DMXL2: variants seen among roughly 807,000 people sequenced by gnomAD.
The protein encoded by DMXL2 is dmX-like protein 2.
In DMXL2, 103 loss-of-function variants were observed where a neutral mutation model predicts 331.1. The ratio of observed to expected loss-of-function variants is 0.31; its 90% CI spans 0.27 to 0.37. The LOEUF is 0.37. DMXL2 is among the 10% of genes least tolerant of loss of function. DMXL2 has a pLI of 1.00. For synonymous variants in DMXL2, 1,281 were observed against 1,252.1 expected (o/e 1.02, Z -0.49); for missense variants, 3,171 against 3,642.9 (o/e 0.87, Z 3.33).
chr15:51,537,900 G>T (rs956330786), intron 10 of DMXL2, 141 bp from the exon 11 acceptor site: 33 of 1,071,948 alleles, frequency 3.1e-5, no homozygotes, highest in Middle Eastern at 6.1e-4. Flanking sequence ...GGAAACTTTT[G>T]TCTGAATTGA....
rs1283507651 is a variant in DMXL2 at position 51,605,514 on chromosome 15, ATTCTTTTTTTTTTTTTTTT to A, written c.87+16926_87+16944del. Among the ~76,000 whole-genome samples the A allele has an allele frequency of 1.1e-4, 4 of 36,868 alleles. 1 individual carries two copies. Among genetic ancestry groups the A allele is most frequent in the African/African-American group, 2.8e-4 (4 of 14,468 alleles). 24.2% of individuals were successfully genotyped at this position (36,868 alleles called of 152,430 possible). A position where few individuals can be genotyped will look rare whatever the true frequency, so the allele number is the denominator to read the frequency against. The stretch of plus-strand genomic sequence containing the variant: ...CCCGGCCCAGCCCATACAGATTAAT[ATTCTTTTTTTTTTTTTTTT>A]TTTTTTTTTTTTTTTTTTTTTGAGA... On this transcript the variant is annotated intron_variant, in intron 1 of 43. Coordinates refer to ENST00000560891, the MANE Select transcript of DMXL2 (RefSeq NM_001378457.1).
chr15:51,621,995 G>C (rs7174397), intron 1 of DMXL2, among the ~76,000 whole-genome samples: 7,636 of 152,164 alleles, frequency 0.05, 544 homozygotes, highest in African/African-American at 0.16. Context: ...AGCGGGCAGG[G>C]GGAGCCAAGG....
At chr15:51,526,870 C>T (rs747245237) in intron 13 of DMXL2, among the ~76,000 whole-genome samples, 6 of 152,036 alleles carry the variant, frequency 3.9e-5, no homozygotes, top group South Asian at 2.1e-4. Flanking sequence ...TAAAAAACAA[C>T]GAAGCACATC....
At chr15:51,556,895 GA>G (rs919328003) in intron 6 of DMXL2, among the ~76,000 whole-genome samples, 2 of 151,814 alleles carry the variant, frequency 1.3e-5, no homozygotes, top group African/African-American at 4.8e-5. Flanking sequence ...TTCTTTATCT[GA>G]AAAAAAAGTA....
chr15:51,571,964 T>A (rs2050696900), intron 2 of DMXL2, among the ~76,000 whole-genome samples: 1 of 151,964 alleles, frequency 6.6e-6, no homozygotes, highest in Non-Finnish European at 1.5e-5. Context: ...GATGGAAACA[T>A]GAAAAACTCT....
At position 51,568,487 on chromosome 15, in the gene DMXL2, A is replaced by G. The variant is rs1330823241; in HGVS notation, c.285T>C (p.Cys95=). The change falls in exon 3 of 44, where the codon TGT becomes TGC. Residue 95 remains cysteine (C), a splice_region_variant and synonymous_variant. Coordinates refer to ENST00000560891, the MANE Select transcript of DMXL2 (RefSeq NM_001378457.1). Reference sequence around the variant, plus strand: ...TATTCTATTATTGGTTAATACTTACACAATTTCTTTTATGAGAATTTATGC... The same window carrying G: ...TATTCTATTATTGGTTAATACTTACGCAATTTCTTTTATGAGAATTTATGC... ...PLGINSHKRN[C]QLKCQWLKTG... The G allele has an allele frequency of 5.2e-6, 8 of 1,537,170 alleles. No homozygotes were observed. Among genetic ancestry groups the G allele is most frequent in the Non-Finnish European group, 7.0e-6 (8 of 1,136,308 alleles).
At position 51,536,875 on chromosome 15, in the gene DMXL2, A is replaced by G. The variant is rs760635966; in HGVS notation, c.1618-13T>C. The G allele has an allele frequency of 2.5e-6, 4 of 1,579,028 alleles. No homozygotes were observed. On this transcript the variant is annotated splice_polypyrimidine_tract_variant and intron_variant, in intron 11 of 43. Coordinates refer to ENST00000560891, the MANE Select transcript of DMXL2 (RefSeq NM_001378457.1). ...AAGAAAAAGAAACCTGAAAAACATA[A>G]TTATATGATTCAGTGCAAATAGTTT...
At chr15:51,523,614 C>CA (rs34385849) in intron 13 of DMXL2, among the ~76,000 whole-genome samples, 5 of 152,020 alleles carry the variant, frequency 3.3e-5, no homozygotes, top group African/African-American at 7.2e-5. Context: ...TCTGTCCTTA[C>CA]AAAAAAAGGA....
chr15:51,573,680 T>C (rs8041197), intron 2 of DMXL2, among the ~76,000 whole-genome samples: 72,907 of 150,816 alleles, frequency 0.48, 17,850 homozygotes, highest in Non-Finnish European at 0.52. Context: ...CATCACACAC[T>C]GAGGCCTGTC....
intron 20 of DMXL2, among the ~76,000 whole-genome samples, chr15:51,490,427 A>C (rs188950245): frequency 6.6e-6 from 1 of 152,364 alleles, no homozygotes; most frequent in Non-Finnish European, 1.5e-5. Context: ...CATCCTTCGG[A>C]GAAACAAATT....
At chr15:51,483,243 G>A (rs2042147033) in intron 23 of DMXL2, among the ~76,000 whole-genome samples, 1 of 152,188 alleles carries the variant, frequency 6.6e-6, no homozygotes, top group South Asian at 2.1e-4. Context: ...CCGCCAGTGA[G>A]CCAAGCTGCT....
chr15:51,468,604 C>CA (rs1315559418), intron 29 of DMXL2, among the ~76,000 whole-genome samples: 4 of 152,144 alleles, frequency 2.6e-5, no homozygotes, highest in African/African-American at 9.7e-5. Flanking sequence ...CTTTCCGACT[C>CA]AAAATGTACT....
At chr15:51,479,307 G>A (rs2041834701) in intron 25 of DMXL2, among the ~76,000 whole-genome samples, 1 of 152,200 alleles carries the variant, frequency 6.6e-6, no homozygotes, top group Non-Finnish European at 1.5e-5. Context: ...TTGTGCATCA[G>A]CCAGTAGAAC....
intron 11 of DMXL2, among the ~76,000 whole-genome samples, 158 bp downstream of exon 11, chr15:51,537,330 G>A (rs1181602373): frequency 6.6e-6 from 1 of 152,042 alleles, no homozygotes; most frequent in East Asian, 1.9e-4. Flanking sequence ...CTAAGCTTAT[G>A]GTCACTGATC....
intron 13 of DMXL2, among the ~76,000 whole-genome samples, chr15:51,518,169 C>T (rs1287304094): frequency 1.3e-5 from 2 of 151,942 alleles, no homozygotes; most frequent in African/African-American, 4.8e-5. Context: ...CCCGTCTCTA[C>T]TAAAAATATA....
intron 1 of DMXL2, among the ~76,000 whole-genome samples, chr15:51,577,290 G>T (rs2051112651): frequency 6.6e-6 from 1 of 152,120 alleles, no homozygotes; most frequent in Non-Finnish European, 1.5e-5. Context: ...AGTGACCCAT[G>T]CCCTGAAGGG....
intron 11 of DMXL2, 35 bp from the exon 12 acceptor site, chr15:51,536,897 G>A: frequency 1.3e-6 from 2 of 1,486,816 alleles, no homozygotes; most frequent in Admixed American, 4.5e-5. Context: ...AGTGCAAATA[G>A]TTTACCTCCT....
chr15:51,536,786 T>C lies in DMXL2; in HGVS notation c.1694A>G (p.Tyr565Cys). 6.2e-7 allele frequency: 1 copy of C among 1,613,932 alleles called. No individual in the cohort carries two copies. The highest frequency in any genetic ancestry group is 2.2e-5 in the East Asian group (1 of 44,876). Residue 565 changes from tyrosine (Y) to cysteine (C), a missense_variant, in exon 12 of 44, where the codon TAT (tyrosine) becomes TGT (cysteine). By Grantham distance (194) the Tyr-to-Cys change is radical. Coordinates refer to ENST00000560891, the MANE Select transcript of DMXL2 (RefSeq NM_001378457.1). ...ATCTTTTGTCGCATTTATACAGGCA[T>C]ACATCATGATATTTTTACTAAGAGA... The part of the protein sequence containing the change: ...ASSLSKNIMM[Y>C]ACINATKDSH...
At chr15:51,476,767 A>G in intron 26 of DMXL2, 48 bp from the exon 27 acceptor site, 1 of 1,512,916 alleles carries the variant, frequency 6.6e-7, no homozygotes, top group Non-Finnish European at 8.8e-7. Flanking sequence ...GGTAATAAAA[A>G]ATTGCACTTT....
Sources: allele counts gnomAD v4.1 joint callset (sites outside exome capture counted in the v4.1 genomes callset), GRCh38; gene constraint gnomAD v4.1.1; transcripts MANE v1.5; gene names NCBI Gene and HGNC (gene_info 2026-07-23, HGNC 2026-07-21).